Variants in GPATCH2 observed in about 807,000 individuals in gnomAD.
GPATCH2 encodes the protein G-patch domain containing 2.
Under a neutral mutation model 58.0 loss-of-function variants are expected in GPATCH2, and 51 were observed. That is an observed-to-expected ratio of 0.88 (90% CI 0.70 to 1.11). The LOEUF (loss-of-function observed/expected upper bound fraction) is 1.11, where lower values mean the gene tolerates loss of function less well. Among genes scored for constraint, GPATCH2 ranks in the 50% most tolerant of loss-of-function variants. The pLI is 0.00. For missense variants in GPATCH2, 625 were observed against 652.2 expected (o/e 0.96, Z 0.45); for synonymous variants, 222 against 218.5 (o/e 1.02, Z -0.14).
intron 2 of GPATCH2, among the ~76,000 whole-genome samples, chr1:217,616,585 T>C (rs1448083503): frequency 6.6e-6 from 1 of 152,154 alleles, no homozygotes; most frequent in African/African-American, 2.4e-5. Flanking sequence ...TTTCACCTCA[T>C]TGGTATCTAG....
At chr1:217,502,282 T>G (rs923915749) in intron 6 of GPATCH2, among the ~76,000 whole-genome samples, 1 of 152,112 alleles carries the variant, frequency 6.6e-6, no homozygotes, top group Non-Finnish European at 1.5e-5. Flanking sequence ...TGATAAGAAT[T>G]GCATTAAACC....
intron 5 of GPATCH2, among the ~76,000 whole-genome samples, chr1:217,570,894 G>A (rs12132259): frequency 0.4 from 60,970 of 152,044 alleles, 14,473 homozygotes; most frequent in East Asian, 0.75. Context: ...ATTTGCAACA[G>A]TGAAAGTAAA....
chr1:217,541,401 T>G (rs1307722550), intron 5 of GPATCH2, among the ~76,000 whole-genome samples: 1 of 152,206 alleles, frequency 6.6e-6, no homozygotes, highest in Non-Finnish European at 1.5e-5. Flanking sequence ...CTATACTTCC[T>G]AAGAAAAATC....
intron 1 of GPATCH2, among the ~76,000 whole-genome samples, chr1:217,627,469 T>TA (rs1191512383): frequency 2.6e-5 from 4 of 151,768 alleles, no homozygotes; most frequent in East Asian, 3.9e-4. Flanking sequence ...AATCCCAAAT[T>TA]AAAAAAAATT....
rs143314462 is a variant in GPATCH2 at position 217,478,909 on chromosome 1, G to A, written c.1277+12771C>T. Among the ~76,000 whole-genome samples the A allele has an allele frequency of 9.1e-3, 1,380 of 152,100 alleles. 8 individuals carry two copies. The highest frequency in any genetic ancestry group is 0.048 in the Middle Eastern group (14 of 294). On this transcript the variant is annotated intron_variant, in intron 8 of 9. Transcript: ENST00000366935. Reference sequence around the variant, plus strand: ...AAAGAAACAAGTAACATACAATGGAGCTCCAATACATGTGGCAGCAGACTT... The same window carrying A: ...AAAGAAACAAGTAACATACAATGGAACTCCAATACATGTGGCAGCAGACTT...
At chr1:217,463,687 G>GAT (rs1471792135) in intron 8 of GPATCH2, among the ~76,000 whole-genome samples, 1 of 142,978 alleles carries the variant, frequency 7.0e-6, no homozygotes, top group East Asian at 2.1e-4. Flanking sequence ...CAGGCATAGT[G>GAT]ATGTGTACCT....
intron 5 of GPATCH2, among the ~76,000 whole-genome samples, chr1:217,562,653 A>G (rs1665984009): frequency 6.6e-6 from 1 of 152,184 alleles, no homozygotes; most frequent in Non-Finnish European, 1.5e-5. Context: ...GAGCTTCCAT[A>G]TTATCATTAA....
chr1:217,617,222 A>G (rs1668928703), intron 2 of GPATCH2, among the ~76,000 whole-genome samples: 1 of 152,180 alleles, frequency 6.6e-6, no homozygotes, highest in African/African-American at 2.4e-5. Context: ...CGGTAAAAAC[A>G]AAGTATGTAT....
At chr1:217,554,441 T>C (rs564150851) in intron 5 of GPATCH2, among the ~76,000 whole-genome samples, 3 of 152,290 alleles carry the variant, frequency 2.0e-5, no homozygotes, top group East Asian at 3.9e-4. Context: ...TGCCTGGCAA[T>C]TGATTAACTT....
chr1:217,437,548 G>A (rs1658898781), intron 9 of GPATCH2, among the ~76,000 whole-genome samples: 1 of 152,210 alleles, frequency 6.6e-6, no homozygotes. Context: ...TTTGGTGGGG[G>A]AAGGGGCGTC....
At chr1:217,494,867 T>A (rs1661932862) in intron 7 of GPATCH2, 1 of 151,756 alleles carries the variant, frequency 6.6e-6, no homozygotes, top group Non-Finnish European at 1.5e-5. Flanking sequence ...GAAAATTTTT[T>A]CATTCTTCTT....
Position 217,620,390 on chromosome 1 carries a change from T to A in GPATCH2, c.166A>T (p.Ser56Cys). 1 of 1,614,060 alleles carries A rather than the reference T, an allele frequency of 6.2e-7. No individual in the cohort carries two copies. The highest frequency in any genetic ancestry group is 8.5e-7 in the Non-Finnish European group (1 of 1,179,936). ...GFAETGDHSR[S>C]ISCPLKRQAR... ...TGGCGTTTCAGAGGGCAAGATATACTTCGAGAATGGTCTCCTGTTTCAGCA... is the reference window on the plus strand; with the variant it reads ...TGGCGTTTCAGAGGGCAAGATATACATCGAGAATGGTCTCCTGTTTCAGCA... Residue 56 changes from serine (S) to cysteine (C), a missense_variant, in exon 2 of 10, where the codon AGT becomes TGT. Ser to Cys is a moderately radical substitution (Grantham distance 112, BLOSUM62 -1). Coordinates refer to ENST00000366935, the MANE Select transcript of GPATCH2 (RefSeq NM_018040.5).
At chr1:217,530,232 C>G (rs554767057) in intron 5 of GPATCH2, among the ~76,000 whole-genome samples, 1 of 152,288 alleles carries the variant, frequency 6.6e-6, no homozygotes, top group East Asian at 1.9e-4. Context: ...AATGGAAGAG[C>G]ACAGAGATGA....
Position 217,427,183 on chromosome 1 carries a change from G to A in GPATCH2, c.*3962C>T, listed in dbSNP as rs1173042264. The A allele has an allele frequency of 1.3e-5, 2 of 152,134 alleles. No individual in the cohort carries two copies. The highest frequency in any genetic ancestry group is 2.4e-5 in the African/African-American group (1 of 41,428). The allele number at this position is 152,134 out of a possible 1,614,324, so 9.4% of individuals were successfully genotyped here. ...CTGATACTTTAAGTGGTCAGAGAGA[G>A]CGTGTGTACCTTGTTACATTAGAAT... On this transcript the variant is annotated 3_prime_UTR_variant, in exon 10 of 10. Transcript: ENST00000366935.
chr1:217,446,128 T>C (rs1346190799), intron 9 of GPATCH2, among the ~76,000 whole-genome samples: 1 of 152,140 alleles, frequency 6.6e-6, no homozygotes, highest in African/African-American at 2.4e-5. Flanking sequence ...ACTCAAGCTG[T>C]CAGTCTTTTA....
intron 2 of GPATCH2, among the ~76,000 whole-genome samples, chr1:217,615,703 G>A (rs1338730045): frequency 1.1e-4 from 16 of 151,956 alleles, no homozygotes; most frequent in Admixed American, 8.5e-4. Context: ...AAAATGCCTC[G>A]GAGGAGTCTG....
chr1:217,602,644 C>G (rs1177168549), intron 5 of GPATCH2, among the ~76,000 whole-genome samples: 1 of 152,012 alleles, frequency 6.6e-6, no homozygotes, highest in Non-Finnish European at 1.5e-5. Context: ...GCAAGCAGAC[C>G]AGAAGGTGCT....
At chr1:217,564,194 T>A (rs1252998629) in intron 5 of GPATCH2, among the ~76,000 whole-genome samples, 1 of 151,708 alleles carries the variant, frequency 6.6e-6, no homozygotes, top group Non-Finnish European at 1.5e-5. Context: ...ATAAAAATCA[T>A]CACTGTAAAA....
intron 8 of GPATCH2, among the ~76,000 whole-genome samples, chr1:217,488,232 G>T (rs142189116): frequency 6.6e-6 from 1 of 152,122 alleles, no homozygotes; most frequent in South Asian, 2.1e-4. Flanking sequence ...TACCAGTTTG[G>T]ATGCAAGGTT....
Sources: allele counts gnomAD v4.1 joint callset (sites outside exome capture counted in the v4.1 genomes callset), GRCh38; gene constraint gnomAD v4.1.1; transcripts MANE v1.5; gene names NCBI Gene and HGNC (gene_info 2026-07-23, HGNC 2026-07-21).